WFS1: variants seen among roughly 807,000 people sequenced by gnomAD.
The protein encoded by WFS1 is wolframin ER transmembrane glycoprotein.
Under a neutral mutation model 68.5 loss-of-function variants are expected in WFS1, and 90 were observed. The ratio of observed to expected loss-of-function variants is 1.31; its 90% CI spans 1.11 to 1.56. The LOEUF is 1.56. Among genes scored for constraint, WFS1 ranks in the 40% most tolerant of loss-of-function variants. WFS1 has a pLI of 0.00. For missense variants in WFS1, 1,767 were observed against 1,232.6 expected (o/e 1.43, Z -6.49); for synonymous variants, 860 against 540.7 (o/e 1.59, Z -8.19).
At chr4:6,293,360 T>A (rs10937717) in intron 6 of WFS1, among the ~76,000 whole-genome samples, 92,954 of 151,988 alleles carry the variant, frequency 0.61, 29,107 homozygotes, top group East Asian at 0.93. Flanking sequence ...CCCCATTGTT[T>A]CCCCTCTATC....
intron 7 of WFS1, among the ~76,000 whole-genome samples, chr4:6,300,015 A>C (rs1260863653): frequency 6.6e-6 from 1 of 151,930 alleles, no homozygotes; most frequent in East Asian, 1.9e-4. Context: ...GCTGCTTCTC[A>C]GGGTCTCCGG....
At chr4:6,270,432 C>G (rs562426549) in intron 1 of WFS1, among the ~76,000 whole-genome samples, 1 of 151,220 alleles carries the variant, frequency 6.6e-6, no homozygotes, top group Admixed American at 6.6e-5. Context: ...CCCGCCCGGC[C>G]GTTGGAACGC....
Position 6,292,013 on chromosome 4 carries a change from G to A in WFS1, c.712+16G>A, listed in dbSNP as rs71524367. On this transcript the variant is annotated intron_variant, in intron 6 of 7. Coordinates refer to ENST00000226760, the MANE Select transcript of WFS1 (RefSeq NM_006005.3). ...AGCAGCGAGTGTGAGTGCAGCCCCT[G>A]CCCCGTCTCACCCATGCCTCCCAGC... is the stretch of plus-strand genomic sequence containing the variant. The A allele has an allele frequency of 2.6e-3, 4,205 of 1,595,556 alleles. 22 individuals carry two copies. Among genetic ancestry groups the A allele is most frequent in the Middle Eastern group, 0.015 (85 of 5,598 alleles).
intron 2 of WFS1, among the ~76,000 whole-genome samples, chr4:6,281,066 C>G (rs1380497554): frequency 6.6e-6 from 1 of 152,154 alleles, no homozygotes; most frequent in African/African-American, 2.4e-5. Context: ...CACACGACTG[C>G]TGAATCTGCC....
intron 2 of WFS1, among the ~76,000 whole-genome samples, chr4:6,279,453 G>A (rs1252537426): frequency 6.6e-6 from 1 of 152,204 alleles, no homozygotes; most frequent in African/African-American, 2.4e-5. Flanking sequence ...GTTGGTGAAG[G>A]GTGGAGGGGA....
At chr4:6,291,735 G>A (rs1395630891) in intron 5 of WFS1, among the ~76,000 whole-genome samples, 182 bp from the exon 6 acceptor site, 4 of 152,190 alleles carry the variant, frequency 2.6e-5, no homozygotes, top group African/African-American at 7.2e-5. Context: ...GTCCACCCCA[G>A]CTACTGGAGG....
rs762774307 is a variant in WFS1 at position 6,295,144 on chromosome 4, C to T, written c.816C>T (p.Asp272=). ...TCCTGCAGGACGACGAAGATGATGA[C>T]GAGCTGGCGGGGAAGAGCCCTGAGG... ...SLFLQDDEDD[D]ELAGKSPEDL... is the part of the protein sequence containing the mutation. Residue 272 remains aspartate, a synonymous_variant, in exon 7 of 8, where the codon GAC becomes GAT. Transcript: ENST00000226760. 59 of 1,612,676 alleles carry T rather than the reference C, an allele frequency of 3.7e-5. No homozygotes were observed. Among genetic ancestry groups the T allele is most frequent in the South Asian group, 3.5e-4 (32 of 91,074 alleles).
Position 6,287,154 on chromosome 4 carries a change from G to T in WFS1, c.294G>T (p.Gly98=). 1 of 1,560,422 alleles carries T rather than the reference G, an allele frequency of 6.4e-7. No homozygotes were observed. Among genetic ancestry groups the T allele is most frequent in the East Asian group, 2.3e-5 (1 of 42,840 alleles). Residue 98 remains glycine (G), a synonymous_variant, in exon 3 of 8, where the codon GGG becomes GGT. Transcript: ENST00000226760. The surrounding 1 kb of genome is among the most constrained non-coding windows in gnomAD (Gnocchi z 6.4). Reference sequence around the variant, plus strand: ...AAGTCCTGGAGAGGGCCAAGGCCGGGGACCCCAAGGCACAGACTGAGGTGA... The same window carrying T: ...AAGTCCTGGAGAGGGCCAAGGCCGGTGACCCCAAGGCACAGACTGAGGTGA... The part of the protein sequence containing the change: ...FEEVLERAKA[G]DPKAQTEVGK...
intron 6 of WFS1, among the ~76,000 whole-genome samples, chr4:6,292,380 C>T (rs1730491333): frequency 6.6e-6 from 1 of 151,936 alleles, no homozygotes. Flanking sequence ...GGGCTCCGGG[C>T]AGAGGGAACA....
At chr4:6,277,391 C>A in intron 1 of WFS1, 60 bp from the exon 2 acceptor site, 1 of 1,490,578 alleles carries the variant, frequency 6.7e-7, no homozygotes, top group Non-Finnish European at 9.1e-7. Flanking sequence ...CCAGCAGACA[C>A]TAAGTGCCAG....
chr4:6,294,673 A>T (rs1333725877), intron 6 of WFS1: 2 of 337,740 alleles, frequency 5.9e-6, no homozygotes, highest in African/African-American at 2.2e-5. Context: ...CTGGCTGAAG[A>T]GGAGGGTGTC....
chr4:6,278,456 A>G (rs1730061132), intron 2 of WFS1, among the ~76,000 whole-genome samples: 1 of 152,186 alleles, frequency 6.6e-6, no homozygotes, highest in South Asian at 2.1e-4. Context: ...CCTCCTGCCC[A>G]TGCAGAAGCC....
rs746433560 is a variant in WFS1 at position 6,300,974 on chromosome 4, C to T, written c.1179C>T (p.Ala393=). The T allele has an allele frequency of 2.9e-5, 46 of 1,613,844 alleles. No homozygotes were observed. Among genetic ancestry groups the T allele is most frequent in the African/African-American group, 8.0e-5 (6 of 74,880 alleles). ...RFEPNLDVEQ[A]EVNFGWNHLE... is the part of the protein sequence containing the mutation. Reference sequence around the variant, plus strand: ...AGCCCAACCTGGATGTGGAGCAGGCCGAGGTCAACTTCGGCTGGAACCACC... The same window carrying T: ...AGCCCAACCTGGATGTGGAGCAGGCTGAGGTCAACTTCGGCTGGAACCACC... The change falls in exon 8 of 8, where the codon GCC becomes GCT. Residue 393 remains alanine (A), a synonymous_variant. Transcript: ENST00000226760.
rs1385982223 is a variant in WFS1 at position 6,301,510 on chromosome 4, T to TCCTGGTGGCCGGCCTGGC, written c.1724_1741dup (p.Ala575_Val580dup). On this transcript the variant is annotated inframe_insertion, in exon 8 of 8. Transcript: ENST00000226760. The stretch of plus-strand genomic sequence containing the variant: ...TTCCTCTTCCTCTTTGCCCTCCCCA[T>TCCTGGTGGCCGGCCTGGC]CCTGGTGGCCGGCCTGGCCCTGGTG... The TCCTGGTGGCCGGCCTGGC allele has an allele frequency of 1.2e-6, 2 of 1,613,494 alleles. No individual in the cohort carries two copies. Among genetic ancestry groups the TCCTGGTGGCCGGCCTGGC allele is most frequent in the Non-Finnish European group, 1.7e-6 (2 of 1,179,928 alleles).
chr4:6,301,924 C>T lies in WFS1; in HGVS notation c.2129C>T (p.Thr710Ile). 6.2e-7 allele frequency: 1 copy of T among 1,612,974 alleles called. No homozygotes were observed. The highest frequency in any genetic ancestry group is 8.5e-7 in the Non-Finnish European group (1 of 1,179,946). The change falls in exon 8 of 8, where the codon ACT becomes ATT. Residue 710 changes from threonine (T) to isoleucine (I), a missense_variant. Thr to Ile is a moderately conservative substitution (Grantham distance 89, BLOSUM62 -1). Coordinates refer to ENST00000226760, the MANE Select transcript of WFS1 (RefSeq NM_006005.3). ...WTGRFKYVRVTDIDNSAESAI... is the reference protein window; with the variant it reads ...WTGRFKYVRVIDIDNSAESAI... ...GGCCGCTTCAAGTACGTCCGCGTGA[C>T]TGACATCGACAACAGCGCCGAGTCT... is the stretch of plus-strand genomic sequence containing the variant.
chr4:6,291,080 C>T (rs1730448985), intron 4 of WFS1, 117 bp from the exon 5 acceptor site: 6 of 1,205,520 alleles, frequency 5.0e-6, no homozygotes, highest in Non-Finnish European at 6.0e-6. Flanking sequence ...GTAACCAAGT[C>T]CTGACACCTT....
rs1730983254 is a variant in WFS1 at position 6,302,456 on chromosome 4, G to A, written c.2661G>A (p.Leu887=). The change falls in exon 8 of 8, where the codon CTG becomes CTA. Residue 887 remains leucine, a synonymous_variant. Coordinates refer to ENST00000226760, the MANE Select transcript of WFS1 (RefSeq NM_006005.3). ...FAFDFFFFPF[L]SAA ...TCGACTTCTTTTTCTTCCCATTCCT[G>A]TCGGCGGCCTGAGGATGGTCCGCCA... is the stretch of plus-strand genomic sequence containing the variant. The A allele has an allele frequency of 6.2e-7, 1 of 1,612,876 alleles. No homozygotes were observed. The highest frequency in any genetic ancestry group is 8.5e-7 in the Non-Finnish European group (1 of 1,180,042).
intron 4 of WFS1, 37 bp from the exon 5 acceptor site, chr4:6,291,160 G>A: frequency 6.2e-7 from 1 of 1,608,626 alleles, no homozygotes; most frequent in South Asian, 1.1e-5. Context: ...AGCCTAGGCA[G>A]GGCACACAAG....
At chr4:6,282,453 G>A (rs2109111208) in intron 2 of WFS1, among the ~76,000 whole-genome samples, 1 of 152,348 alleles carries the variant, frequency 6.6e-6, no homozygotes, top group African/African-American at 2.4e-5. Flanking sequence ...TGGAGGTCAA[G>A]GGCTTGCCCA....
Sources: gnomAD v4.1 joint callset for allele counts (sites outside exome capture counted in the v4.1 genomes callset) on GRCh38, gnomAD v4.1.1 for gene constraint, Gnocchi (gnomAD v3.1) non-coding constraint, MANE v1.5 for transcripts, NCBI Gene and HGNC (gene_info 2026-07-23, HGNC 2026-07-21) for gene names.